The following KCNQ1 variants were observed in gnomAD, a reference collection of about 807,000 sequenced individuals.
KCNQ1 encodes potassium voltage-gated channel subfamily Q member 1, also known as potassium voltage-gated channel subfamily KQT member 1.
In KCNQ1, 49 loss-of-function variants were observed where a neutral mutation model predicts 72.4. The ratio of observed to expected loss-of-function variants is 0.68; its 90% confidence interval spans 0.54 to 0.86. The LOEUF is 0.86. KCNQ1 is among the 40% of genes least tolerant of loss of function. The probability of loss-of-function intolerance (pLI) is 0.00; values close to 1 mark genes in which losing one functional copy is unlikely to be tolerated. For missense variants in KCNQ1, 790 were observed against 945.1 expected (o/e 0.84, Z 2.15); for synonymous variants, 450 against 412.6 (o/e 1.09, Z -1.10).
chr11:2,709,160 T>TAGTCACGTCAGCTTGG (rs1204433289), intron 11 of KCNQ1, among the ~76,000 whole-genome samples: 2 of 152,086 alleles, frequency 1.3e-5, no homozygotes, highest in Non-Finnish European at 2.9e-5. Flanking sequence ...TGTTTAGCTT[T>TAGTCACGTCAGCTTGG]AGTCACGTCA....
intron 10 of KCNQ1, chr11:2,643,896 T>G (rs1849620482): frequency 2.5e-6 from 1 of 398,462 alleles, no homozygotes. Context: ...TTTTTGGTTT[T>G]GTTTTTTCTT....
intron 15 of KCNQ1, among the ~76,000 whole-genome samples, chr11:2,821,900 T>C (rs1847745522): frequency 6.6e-6 from 1 of 152,158 alleles, no homozygotes; most frequent in South Asian, 2.1e-4. Flanking sequence ...ATGTCCTCAT[T>C]CTATCCCTGT....
chr11:2,725,445 C>T lies in KCNQ1; in HGVS notation c.1515-43399C>T, dbSNP rs1190202035. ...TTTCCTCAGAAGAGCCCACTTTTTG[C>T]GTGGAGGTGACCTGCCATTTGTCCG... On this transcript the variant is annotated intron_variant, in intron 11 of 15. Coordinates refer to ENST00000155840, the MANE Select transcript of KCNQ1 (RefSeq NM_000218.3). This position sits in a 1 kb window ranked among gnomAD's most constrained non-coding sequence, Gnocchi z 7.2. Among the ~76,000 whole-genome samples, 2 of 152,134 alleles carry T rather than the reference C, an allele frequency of 1.3e-5. No homozygotes were observed. Among genetic ancestry groups the T allele is most frequent in the African/African-American group, 2.4e-5 (1 of 41,404 alleles).
In KCNQ1 at chr11:2,651,162, C is replaced by T. The variant is rs560482895; in HGVS notation, c.1394-10799C>T. The T allele has an allele frequency of 1.6e-4, 62 of 398,556 alleles. No individual in the cohort carries two copies. The highest frequency in any genetic ancestry group is 1.8e-4 in the Admixed American group (4 of 22,722). 24.7% of individuals were successfully genotyped at this position (398,556 alleles called of 1,614,324 possible). ...GGAGTTCTTTAAATGTACAGTGGAT[C>T]TTGCTGCTTCCCTACTCAAATGTTC... On this transcript the variant is annotated intron_variant, in intron 10 of 15. Transcript: ENST00000155840. The surrounding 1 kb of genome is among the most constrained non-coding windows in gnomAD (Gnocchi z 6.1).
At position 2,457,076 on chromosome 11, in the gene KCNQ1, C is replaced by G. The variant is rs1846206838; in HGVS notation, c.386+11592C>G. ...CTCATCACTGATCATCAGAGAAATG[C>G]AAATCAAAGTCACAATGAGATACCA... On this transcript the variant is annotated intron_variant, in intron 1 of 15. Transcript: ENST00000155840. This position sits in a 1 kb window ranked among gnomAD's most constrained non-coding sequence, Gnocchi z 5.0. 6.6e-6 allele frequency among the ~76,000 whole-genome samples: 1 copy of G among 151,878 alleles called. No individual in the cohort carries two copies.
intron 11 of KCNQ1, among the ~76,000 whole-genome samples, chr11:2,755,764 G>T (rs887335481): frequency 6.6e-6 from 1 of 152,172 alleles, no homozygotes; most frequent in Non-Finnish European, 1.5e-5. Context: ...ACAATGAATT[G>T]ATAAAGAATT....
rs1850716902 is a variant in KCNQ1, at chr11:2,698,589, C to T, written c.1514+36508C>T. Reference sequence around the variant, plus strand: ...CTGACTCAGAATCCCCACCTAGAGGCAGAACTTCGACTTCAATTCCTGACT... The same window carrying T: ...CTGACTCAGAATCCCCACCTAGAGGTAGAACTTCGACTTCAATTCCTGACT... On this transcript the variant is annotated intron_variant, in intron 11 of 15. Coordinates refer to ENST00000155840, the MANE Select transcript of KCNQ1 (RefSeq NM_000218.3). This position sits in a 1 kb window ranked among gnomAD's most constrained non-coding sequence, Gnocchi z 5.1. 5.0e-6 allele frequency: 2 copies of T among 398,556 alleles called. No individual in the cohort carries two copies. Among genetic ancestry groups the T allele is most frequent in the Admixed American group, 8.8e-5 (2 of 22,724 alleles). The allele number at this position is 398,556 out of a possible 1,614,324, so 24.7% of individuals were successfully genotyped here. A position where few individuals can be genotyped will look rare whatever the true frequency, so the allele number is the denominator to read the frequency against.
intron 11 of KCNQ1, chr11:2,681,300 C>G: frequency 2.5e-6 from 1 of 398,510 alleles, no homozygotes; most frequent in Non-Finnish European, 4.4e-6. Flanking sequence ...GTCCTACCAG[C>G]CCACCTGGTT....
chr11:2,648,061 A>G, intron 10 of KCNQ1: 1 of 397,528 alleles, frequency 2.5e-6, no homozygotes, highest in Non-Finnish European at 4.4e-6. Flanking sequence ...CAAAAAAAAA[A>G]AAAAAAATTA....
intron 10 of KCNQ1, chr11:2,648,234 G>T: frequency 2.5e-6 from 1 of 398,634 alleles, no homozygotes; most frequent in South Asian, 1.3e-4. Flanking sequence ...TCATTTCATT[G>T]ATCTTTTGTC....
rs1052105157 is a variant in KCNQ1 at position 2,797,525 on chromosome 11, C to T, written c.1794+19488C>T. Among the ~76,000 whole-genome samples the T allele has an allele frequency of 3.3e-5, 5 of 152,194 alleles. No homozygotes were observed. The South Asian group carries it at 1.0e-3, about 31-fold the overall frequency. On this transcript the variant is annotated intron_variant, in intron 15 of 15. Transcript: ENST00000155840. The stretch of plus-strand genomic sequence containing the variant: ...CTCCCGTGGCTGTACCAGCCCTGCA[C>T]CTCCTGGCCACCTGCCCCTGCGTAC...
At chr11:2,667,735 G>A in intron 11 of KCNQ1, 1 of 398,786 alleles carries the variant, frequency 2.5e-6, no homozygotes, top group East Asian at 3.6e-5. Flanking sequence ...TTAAGTGAGG[G>A]AGTGGGATGG....
At chr11:2,568,417 G>A (rs962291422) in intron 2 of KCNQ1, among the ~76,000 whole-genome samples, 2 of 152,242 alleles carry the variant, frequency 1.3e-5, no homozygotes, top group Non-Finnish European at 1.5e-5. Flanking sequence ...ACCAATAGTC[G>A]GGTGAGCCGG....
intron 11 of KCNQ1, among the ~76,000 whole-genome samples, chr11:2,709,393 T>A (rs1053963770): frequency 3.3e-5 from 5 of 151,306 alleles, no homozygotes; most frequent in African/African-American, 1.2e-4. Flanking sequence ...TCTCGGTGTC[T>A]GCTCTGGTGC....
rs936908079 is a variant in KCNQ1 at position 2,682,231 on chromosome 11, G to A, written c.1514+20150G>A. 13 of 398,390 alleles carry A rather than the reference G, an allele frequency of 3.3e-5. No individual in the cohort carries two copies. Among genetic ancestry groups the A allele is most frequent in the Non-Finnish European group, 4.9e-5 (11 of 226,058 alleles). The allele number at this position is 398,390 out of a possible 1,614,324, so 24.7% of individuals were successfully genotyped here. On this transcript the variant is annotated intron_variant, in intron 11 of 15. Transcript: ENST00000155840. The surrounding 1 kb of genome is among the most constrained non-coding windows in gnomAD (Gnocchi z 5.8). ...CTGTCTTATCCTGTGGTTCTTAGCT[G>A]AAATGTCCCTTCCTCAGAGGAGCCA...
chr11:2,452,252 A>G (rs577350253), intron 1 of KCNQ1, among the ~76,000 whole-genome samples: 4 of 152,306 alleles, frequency 2.6e-5, no homozygotes, highest in Admixed American at 2.6e-4. Context: ...TGCTCCAGGC[A>G]GAGATTTGAA....
chr11:2,727,854 A>T (rs1315792981), intron 11 of KCNQ1, among the ~76,000 whole-genome samples: 1 of 152,152 alleles, frequency 6.6e-6, no homozygotes, highest in Non-Finnish European at 1.5e-5. Context: ...GGACGTGGCC[A>T]GGCATTCGTT....
chr11:2,674,973 C>T lies in KCNQ1; in HGVS notation c.1514+12892C>T. On this transcript the variant is annotated intron_variant, in intron 11 of 15. Coordinates refer to ENST00000155840, the MANE Select transcript of KCNQ1 (RefSeq NM_000218.3). This position sits in a 1 kb window ranked among gnomAD's most constrained non-coding sequence, Gnocchi z 5.9. ...TGACTGGAGCTGTTTCTCTTCGTTT[C>T]CTCTTACAGTGGCGGGCACTCAGCC... 2.5e-6 allele frequency: 1 copy of T among 398,210 alleles called. No homozygotes were observed. Among genetic ancestry groups the T allele is most frequent in the Non-Finnish European group, 4.4e-6 (1 of 226,020 alleles). 24.7% of individuals were successfully genotyped at this position (398,210 alleles called of 1,614,324 possible). A position where few individuals can be genotyped will look rare whatever the true frequency, so the allele number is the denominator to read the frequency against.
rs1849783313 is a variant in KCNQ1 at position 2,653,134 on chromosome 11, A to G, written c.1394-8827A>G. On this transcript the variant is annotated intron_variant, in intron 10 of 15. Transcript: ENST00000155840. The surrounding 1 kb of genome is among the most constrained non-coding windows in gnomAD (Gnocchi z 5.3). ...GTTTGGGGAGATGAGGACTTGCATC[A>G]CAGCAGTAGAAAGCCAATGTCCCAC... The G allele has an allele frequency of 7.5e-6, 3 of 398,732 alleles. No individual in the cohort carries two copies. Among genetic ancestry groups the G allele is most frequent in the Non-Finnish European group, 1.3e-5 (3 of 226,118 alleles). 24.7% of individuals were successfully genotyped at this position (398,732 alleles called of 1,614,324 possible).
Sources: allele counts gnomAD v4.1 joint callset (sites outside exome capture counted in the v4.1 genomes callset), GRCh38; gene constraint gnomAD v4.1.1; non-coding constraint Gnocchi (gnomAD v3.1); transcripts MANE v1.5; gene names NCBI Gene and HGNC (gene_info 2026-07-23, HGNC 2026-07-21).